MAN2B2: variants seen among roughly 807,000 people sequenced by gnomAD.
MAN2B2 encodes epididymis-specific alpha-mannosidase.
Under a neutral mutation model 117.1 loss-of-function variants are expected in MAN2B2, and 106 were observed. That is an observed-to-expected ratio of 0.90 (90% CI 0.77 to 1.06). MAN2B2 has a LOEUF of 1.06. MAN2B2 is among the 50% of genes least tolerant of loss of function. MAN2B2 has a pLI of 0.00. For synonymous variants in MAN2B2, 544 were observed against 595.1 expected (o/e 0.91, Z 1.25); for missense variants, 1,326 against 1,381.4 (o/e 0.96, Z 0.64).
chr4:6,621,477 T>A lies in MAN2B2; in HGVS notation c.*192T>A. On this transcript the variant is annotated 3_prime_UTR_variant, in exon 19 of 19. Transcript: ENST00000285599. ...TTTAAACAAAAATTACATTACAAGA[T>A]CCAGGTTCTTCCCCCCCACACTCAA... 1 of 556,198 alleles carries A rather than the reference T, an allele frequency of 1.8e-6. No homozygotes were observed. Among genetic ancestry groups the A allele is most frequent in the Non-Finnish European group, 3.2e-6 (1 of 311,542 alleles). The allele number at this position is 556,198 out of a possible 1,614,324, so 34.5% of individuals were successfully genotyped here. A position where few individuals can be genotyped will look rare whatever the true frequency, so the allele number is the denominator to read the frequency against.
chr4:6,609,333 C>T, intron 12 of MAN2B2, 35 bp downstream of exon 12: 1 of 1,600,040 alleles, frequency 6.2e-7, no homozygotes, highest in Non-Finnish European at 8.5e-7. Flanking sequence ...CAGCCCGGCA[C>T]ACAGTCAGCG....
At chr4:6,584,889 G>T (rs541205981) in intron 3 of MAN2B2, among the ~76,000 whole-genome samples, 4 of 152,252 alleles carry the variant, frequency 2.6e-5, no homozygotes, top group African/African-American at 9.6e-5. Flanking sequence ...AAGGTTCTGC[G>T]AGTGAAAAAG....
At chr4:6,576,048 G>T (rs777282764) in intron 1 of MAN2B2, among the ~76,000 whole-genome samples, 2 of 152,132 alleles carry the variant, frequency 1.3e-5, no homozygotes, top group African/African-American at 4.8e-5. Context: ...CTCGGGACTC[G>T]GATGGGAACA....
intron 9 of MAN2B2, among the ~76,000 whole-genome samples, chr4:6,599,662 CAAAA>C (rs34126657): frequency 3.2e-5 from 3 of 93,376 alleles, no homozygotes; most frequent in African/African-American, 4.5e-5. Flanking sequence ...GACTCCGTCT[CAAAA>C]AAAAAAAAAA....
chr4:6,596,170 G>C (rs181380054), intron 7 of MAN2B2, among the ~76,000 whole-genome samples: 4 of 151,598 alleles, frequency 2.6e-5, no homozygotes, highest in Admixed American at 6.6e-5. Context: ...GTATCCAGGC[G>C]GGTGTGGGTG....
chr4:6,602,843 TTG>T (rs1263721243), intron 10 of MAN2B2, among the ~76,000 whole-genome samples: 24 of 152,100 alleles, frequency 1.6e-4, no homozygotes, highest in African/African-American at 5.5e-4. Context: ...GCTAATTTTT[TTG>T]TTTGTTTTTT....
At chr4:6,589,845 T>C (rs1726787749) in intron 5 of MAN2B2, among the ~76,000 whole-genome samples, 2 of 151,722 alleles carry the variant, frequency 1.3e-5, no homozygotes, top group South Asian at 2.1e-4. Context: ...TTTGGGAGGC[T>C]GAGGCAGGAC....
intron 16 of MAN2B2, among the ~76,000 whole-genome samples, chr4:6,615,191 T>C (rs1377490554): frequency 1.3e-5 from 2 of 151,896 alleles, no homozygotes; most frequent in African/African-American, 4.8e-5. Context: ...AGCCCAGGAG[T>C]TCAAGACCAG....
chr4:6,596,179 T>G (rs1727077680), intron 7 of MAN2B2, among the ~76,000 whole-genome samples: 3 of 135,460 alleles, frequency 2.2e-5, no homozygotes, highest in African/African-American at 3.1e-5. Context: ...CGGGTGTGGG[T>G]GGGCGTGGCG....
At chr4:6,596,193 A>AGGCGGGTGTG (rs1395106246) in intron 7 of MAN2B2, among the ~76,000 whole-genome samples, 10 of 144,938 alleles carry the variant, frequency 6.9e-5, no homozygotes, top group African/African-American at 2.6e-4. Context: ...CGTGGCGTCC[A>AGGCGGGTGTG]GGTGGGCGTG....
chr4:6,576,566 T>C lies in MAN2B2; in HGVS notation c.139-12T>C, dbSNP rs1577267291. 1 of 1,604,974 alleles carries C rather than the reference T, an allele frequency of 6.2e-7. No homozygotes were observed. The highest frequency in any genetic ancestry group is 8.5e-7 in the Non-Finnish European group (1 of 1,174,686). On this transcript the variant is annotated splice_polypyrimidine_tract_variant and intron_variant, in intron 1 of 18. Transcript: ENST00000285599. ...TTGGACCGGGGCTGGCATGATGCTG[T>C]CCCCTCCCCAGGAAAGCATGCGGGC...
chr4:6,596,413 A>G (rs1727089209), intron 7 of MAN2B2, among the ~76,000 whole-genome samples: 1 of 152,180 alleles, frequency 6.6e-6, no homozygotes, highest in Non-Finnish European at 1.5e-5. Context: ...CAGGGAATCA[A>G]GGCAAATCTG....
rs1467238412 is a variant in MAN2B2, at chr4:6,576,606, T to G, written c.167T>G (p.Val56Gly). The G allele has an allele frequency of 6.2e-7, 1 of 1,613,742 alleles. No homozygotes were observed. The highest frequency in any genetic ancestry group is 8.5e-7 in the Non-Finnish European group (1 of 1,179,936). ...QESMRAYAAN[V>G]YTSVVEELAR... is the part of the protein sequence containing the mutation. ...AGCATGCGGGCGTACGCCGCCAATG[T>G]CTACACCTCAGTGGTGGAAGAGCTG... is the stretch of plus-strand genomic sequence containing the variant. Residue 56 changes from valine to glycine, a missense_variant, in exon 2 of 19, where the codon GTC becomes GGC. Transcript: ENST00000285599.
Position 6,609,815 on chromosome 4 carries a change from A to G in MAN2B2, c.2024A>G (p.Asn675Ser), listed in dbSNP as rs201499468. The G allele has an allele frequency of 1.1e-5, 17 of 1,613,834 alleles. No homozygotes were observed. The highest frequency in any genetic ancestry group is 1.4e-5 in the Non-Finnish European group (17 of 1,180,006). The change falls in exon 13 of 19, where the codon AAT (asparagine) becomes AGT (serine). Residue 675 changes from asparagine (N) to serine (S), a missense_variant. Coordinates refer to ENST00000285599, the MANE Select transcript of MAN2B2 (RefSeq NM_015274.3). ...TCCTCCAGGAACATGACAGCACAGAATTACACGTATGCAATCCGCTCCCGG... is the reference window on the plus strand; with the variant it reads ...TCCTCCAGGAACATGACAGCACAGAGTTACACGTATGCAATCCGCTCCCGG... ...QYFYRNMTAQNYTYAIRSRLT... is the reference protein window; with the variant it reads ...QYFYRNMTAQSYTYAIRSRLT...
intron 5 of MAN2B2, among the ~76,000 whole-genome samples, chr4:6,591,245 C>G (rs1726848551): frequency 6.6e-6 from 1 of 152,226 alleles, no homozygotes; most frequent in Admixed American, 6.5e-5. Context: ...GGAGCTGCCT[C>G]TTGTCCAATC....
At chr4:6,621,154 G>C (rs1450797689) in intron 18 of MAN2B2, 34 bp from the exon 19 acceptor site, 1 of 1,542,608 alleles carries the variant, frequency 6.5e-7, no homozygotes, top group Admixed American at 1.7e-5. Context: ...AGGCATCCCA[G>C]GCCACACTGG....
intron 4 of MAN2B2, 26 bp from the exon 5 acceptor site, chr4:6,589,019 G>T: frequency 6.3e-7 from 1 of 1,579,346 alleles, no homozygotes; most frequent in Non-Finnish European, 8.7e-7. Context: ...GGCCCCTCCA[G>T]CCTCATTCTT....
intron 9 of MAN2B2, among the ~76,000 whole-genome samples, 156 bp from the exon 10 acceptor site, chr4:6,600,467 C>T (rs1425092384): frequency 6.6e-6 from 1 of 152,238 alleles, no homozygotes; most frequent in Non-Finnish European, 1.5e-5. Flanking sequence ...CTGTGGGAAA[C>T]ACCTGTTGGC....
chr4:6,583,467 A>G lies in MAN2B2; in HGVS notation c.392-3529A>G, dbSNP rs1394971693. 2.0e-5 allele frequency among the ~76,000 whole-genome samples: 3 copies of G among 152,242 alleles called. No individual in the cohort carries two copies. The East Asian group carries it at 5.8e-4, about 29-fold the overall frequency. On this transcript the variant is annotated intron_variant, in intron 3 of 18. Coordinates refer to ENST00000285599, the MANE Select transcript of MAN2B2 (RefSeq NM_015274.3). ...AGGACAGAATGTATATCGGACGCCAATTAACAGTTTTGGTCATGAATCACC... is the reference window on the plus strand; with the variant it reads ...AGGACAGAATGTATATCGGACGCCAGTTAACAGTTTTGGTCATGAATCACC...
Sources: gnomAD v4.1 joint callset for allele counts (sites outside exome capture counted in the v4.1 genomes callset) on GRCh38, gnomAD v4.1.1 for gene constraint, MANE v1.5 for transcripts, NCBI Gene and HGNC (gene_info 2026-07-23, HGNC 2026-07-21) for gene names.